ALK: variants seen among roughly 807,000 people sequenced by gnomAD.
The protein encoded by ALK is ALK tyrosine kinase receptor.
ALK carries 74 observed loss-of-function variants against 163.1 expected under a neutral mutation model. That is an observed-to-expected ratio of 0.45 (90% CI 0.38 to 0.55). The LOEUF is 0.55. Among genes scored for constraint, ALK ranks in the 20% least tolerant of loss-of-function variants. ALK has a pLI of 0.00. For missense variants in ALK, 2,063 were observed against 2,105.3 expected, an observed-to-expected ratio of 0.98 and a Z score of 0.39; for synonymous variants, 960 against 843.2, an observed-to-expected ratio of 1.14 and a Z score of -2.40.
intron 1 of ALK, among the ~76,000 whole-genome samples, chr2:29,816,093 G>A (rs186264167): frequency 3.3e-4 from 50 of 152,306 alleles, no homozygotes; most frequent in African/African-American, 1.1e-3. Context: ...TACACATTAT[G>A]AATCTGCTGT....
At chr2:29,600,500 A>G (rs1453668469) in intron 3 of ALK, among the ~76,000 whole-genome samples, 1 of 152,246 alleles carries the variant, frequency 6.6e-6, no homozygotes, top group Admixed American at 6.5e-5. Flanking sequence ...TGTGGGAAAC[A>G]AAATGCTGAG....
At chr2:29,721,956 A>G (rs1305243496) in intron 1 of ALK, among the ~76,000 whole-genome samples, 1 of 151,966 alleles carries the variant, frequency 6.6e-6, no homozygotes, top group Non-Finnish European at 1.5e-5. Flanking sequence ...TGTCTTCACT[A>G]CTCCACCTCA....
intron 4 of ALK, among the ~76,000 whole-genome samples, chr2:29,472,709 A>C (rs1671377037): frequency 1.3e-5 from 2 of 152,238 alleles, no homozygotes; most frequent in African/African-American, 2.4e-5. Context: ...ATACAACAAA[A>C]ATTACATTTT....
At chr2:29,519,820 C>T (rs1052243821) in intron 4 of ALK, among the ~76,000 whole-genome samples, 16 of 152,160 alleles carry the variant, frequency 1.1e-4, no homozygotes, top group Admixed American at 1.3e-4. Context: ...AGCAGACTGC[C>T]GATTAGAATT....
intron 2 of ALK, among the ~76,000 whole-genome samples, chr2:29,705,289 A>C (rs1474644874): frequency 2.1e-4 from 25 of 118,008 alleles, no homozygotes; most frequent in African/African-American, 7.2e-4. Context: ...ATAAATATAT[A>C]TCTGCTGTGA....
chr2:29,487,235 G>C (rs1671796397), intron 4 of ALK, among the ~76,000 whole-genome samples: 1 of 152,186 alleles, frequency 6.6e-6, no homozygotes, highest in Non-Finnish European at 1.5e-5. Flanking sequence ...GAAATAAACA[G>C]ATGACCATGT....
At chr2:29,467,190 G>T (rs1671233426) in intron 4 of ALK, among the ~76,000 whole-genome samples, 1 of 150,190 alleles carries the variant, frequency 6.7e-6, no homozygotes, top group African/African-American at 2.5e-5. Context: ...CAAGAGCCTT[G>T]TTTGACCAGG....
At chr2:29,415,604 G>A (rs973815204) in intron 4 of ALK, among the ~76,000 whole-genome samples, 2 of 152,194 alleles carry the variant, frequency 1.3e-5, no homozygotes, top group Non-Finnish European at 2.9e-5. Context: ...TAAAAGCTAT[G>A]ACGATTAATT....
intron 12 of ALK, among the ~76,000 whole-genome samples, chr2:29,244,283 AT>A (rs1263181501): frequency 6.6e-6 from 1 of 152,200 alleles, no homozygotes; most frequent in Non-Finnish European, 1.5e-5. Context: ...CAGTTTCCTC[AT>A]TTGTGAAATC....
At chr2:29,215,029 C>G (rs1669563789) in intron 23 of ALK, among the ~76,000 whole-genome samples, 1 of 152,164 alleles carries the variant, frequency 6.6e-6, no homozygotes, top group Admixed American at 6.5e-5. Flanking sequence ...ATTCACATAC[C>G]TCCCCAAGAA....
intron 1 of ALK, among the ~76,000 whole-genome samples, chr2:29,854,262 T>C (rs1666083044): frequency 6.6e-6 from 1 of 152,200 alleles, no homozygotes; most frequent in Admixed American, 6.5e-5. Context: ...TTTGGATGTT[T>C]GTCCCCTCCA....
At chr2:29,619,846 T>A (rs917225326) in intron 3 of ALK, among the ~76,000 whole-genome samples, 6 of 152,142 alleles carry the variant, frequency 3.9e-5, no homozygotes, top group African/African-American at 1.4e-4. Flanking sequence ...ATGGGAAGGA[T>A]GGAGCGGTGC....
At chr2:29,884,154 ATC>A (rs34764464) in intron 1 of ALK, among the ~76,000 whole-genome samples, 40,682 of 152,030 alleles carry the variant, frequency 0.27, 5,778 homozygotes, top group Non-Finnish European at 0.32. Flanking sequence ...CAAGTGTTGA[ATC>A]TGTTTAAAAT....
intron 1 of ALK, among the ~76,000 whole-genome samples, chr2:29,742,020 G>A (rs137940204): frequency 9.2e-4 from 140 of 152,328 alleles, no homozygotes; most frequent in Non-Finnish European, 1.7e-3. Context: ...GAGCATCTTG[G>A]CCTTCATCAC....
chr2:29,452,118 C>CA (rs1207259973), intron 4 of ALK, among the ~76,000 whole-genome samples: 2 of 152,146 alleles, frequency 1.3e-5, no homozygotes, highest in African/African-American at 4.8e-5. Context: ...AAAACGTCCC[C>CA]ACTCTCTACC....
chr2:29,342,172 T>C (rs1175748549), intron 5 of ALK, among the ~76,000 whole-genome samples: 1 of 152,172 alleles, frequency 6.6e-6, no homozygotes, highest in African/African-American at 2.4e-5. Flanking sequence ...TTGGCAAAGA[T>C]ATAGAGAAAT....
intron 5 of ALK, among the ~76,000 whole-genome samples, chr2:29,370,371 C>T (rs184718530): frequency 6.6e-5 from 10 of 152,242 alleles, no homozygotes; most frequent in East Asian, 3.9e-4. Context: ...TATTCACACA[C>T]GTGTGGTGTG....
chr2:29,503,731 G>T (rs954217659), intron 4 of ALK, among the ~76,000 whole-genome samples: 1 of 152,122 alleles, frequency 6.6e-6, no homozygotes, highest in Non-Finnish European at 1.5e-5. Context: ...TGGGATGTGG[G>T]CATGGGGTGA....
At chr2:29,423,259 G>A (rs1338333928) in intron 4 of ALK, among the ~76,000 whole-genome samples, 2 of 152,168 alleles carry the variant, frequency 1.3e-5, no homozygotes, top group African/African-American at 4.8e-5. Flanking sequence ...AGGAACCTGA[G>A]ACTTGAAAGA....
Sources: allele counts gnomAD v4.1 joint callset (sites outside exome capture counted in the v4.1 genomes callset), GRCh38; gene constraint gnomAD v4.1.1; transcripts MANE v1.5; gene names NCBI Gene and HGNC (gene_info 2026-07-23, HGNC 2026-07-21).